The following QTMAN variants were observed in gnomAD, a reference collection of about 807,000 sequenced individuals.
The protein encoded by QTMAN is queuosine-tRNA mannosyltransferase.
chr2:144,076,885 G>C, the QTMAN span, among the ~76,000 whole-genome samples: 1 of 152,062 alleles, frequency 6.6e-6, no homozygotes, highest in Non-Finnish European at 1.5e-5. Context: ...TTGAGATGCT[G>C]AGGCAGGAGG....
the QTMAN span, among the ~76,000 whole-genome samples, chr2:144,130,298 C>T: frequency 6.6e-6 from 1 of 151,852 alleles, no homozygotes; most frequent in Admixed American, 6.6e-5. Context: ...AAACATACAA[C>T]AGAAGTGCAC....
the QTMAN span, chr2:143,947,226 T>G: frequency 7.7e-6 from 7 of 910,640 alleles, no homozygotes; most frequent in South Asian, 8.5e-5. Flanking sequence ...ATTGCAAATT[T>G]GCATCACTTA....
the QTMAN span, among the ~76,000 whole-genome samples, chr2:144,291,530 A>C: frequency 6.6e-6 from 1 of 152,196 alleles, no homozygotes. Flanking sequence ...CTGAAGCTAG[A>C]ATGTGACTTT....
the QTMAN span, among the ~76,000 whole-genome samples, chr2:143,983,797 T>C: frequency 1.3e-5 from 2 of 152,210 alleles, no homozygotes; most frequent in African/African-American, 4.8e-5. Context: ...TACCTTGAAT[T>C]ATACATACTG....
the QTMAN span, among the ~76,000 whole-genome samples, chr2:143,989,879 C>T: frequency 1.3e-5 from 2 of 152,196 alleles, no homozygotes; most frequent in African/African-American, 4.8e-5. Context: ...CCCATCTAGC[C>T]CCCTTCTCTC....
chr2:144,041,128 T>C, the QTMAN span, among the ~76,000 whole-genome samples: 1 of 152,178 alleles, frequency 6.6e-6, no homozygotes, highest in African/African-American at 2.4e-5. Flanking sequence ...CACAATCCTA[T>C]ATGCTAAATA....
chr2:144,265,679 G>C, the QTMAN span, among the ~76,000 whole-genome samples: 2 of 152,042 alleles, frequency 1.3e-5, no homozygotes, highest in Admixed American at 1.3e-4. Context: ...CTGGCAACAG[G>C]GCGAGACTCC....
At chr2:144,240,158 G>A in the QTMAN span, among the ~76,000 whole-genome samples, 1 of 152,188 alleles carries the variant, frequency 6.6e-6, no homozygotes. Context: ...TTTAATAAAA[G>A]TACATCAGTC....
At chr2:144,282,179 C>A in the QTMAN span, among the ~76,000 whole-genome samples, 1 of 152,106 alleles carries the variant, frequency 6.6e-6, no homozygotes, top group Non-Finnish European at 1.5e-5. Context: ...GCCCAGCATT[C>A]TCATTTTGTA....
At chr2:144,106,587 A>G in the QTMAN span, among the ~76,000 whole-genome samples, 1 of 152,226 alleles carries the variant, frequency 6.6e-6, no homozygotes, top group African/African-American at 2.4e-5. Context: ...CCAATACAGG[A>G]GCACCCAGAT....
At chr2:144,219,199 C>T in the QTMAN span, among the ~76,000 whole-genome samples, 11 of 152,076 alleles carry the variant, frequency 7.2e-5, no homozygotes, top group Non-Finnish European at 1.3e-4. Flanking sequence ...GGCACCATCT[C>T]GGCTCACTGC....
the QTMAN span, among the ~76,000 whole-genome samples, chr2:144,067,821 C>T: frequency 5.3e-5 from 8 of 152,134 alleles, no homozygotes; most frequent in African/African-American, 7.2e-5. Context: ...ACATGCCACA[C>T]GTTAGTATCT....
the QTMAN span, among the ~76,000 whole-genome samples, chr2:144,189,349 C>A: frequency 6.6e-6 from 1 of 152,134 alleles, no homozygotes; most frequent in Non-Finnish European, 1.5e-5. Flanking sequence ...AGGGCTATCC[C>A]CTAAGGCAGT....
chr2:144,332,950 G>T, the QTMAN span, among the ~76,000 whole-genome samples: 1 of 152,090 alleles, frequency 6.6e-6, no homozygotes, highest in Non-Finnish European at 1.5e-5. Flanking sequence ...TTTTCCAGCC[G>T]GCCCGTTGCA....
chr2:144,092,366 A>G, the QTMAN span, among the ~76,000 whole-genome samples: 15 of 152,004 alleles, frequency 9.9e-5, no homozygotes, highest in East Asian at 2.5e-3. Context: ...TAGTAGAGAC[A>G]GGGTTTCACT....
the QTMAN span, among the ~76,000 whole-genome samples, chr2:143,983,220 A>C: frequency 6.6e-6 from 1 of 152,146 alleles, no homozygotes; most frequent in Admixed American, 6.5e-5. Flanking sequence ...CACTTCAAGG[A>C]ACAGTTGAGG....
At chr2:144,133,494 T>TAA in the QTMAN span, among the ~76,000 whole-genome samples, 1 of 77,704 alleles carries the variant, frequency 1.3e-5, no homozygotes, top group Non-Finnish European at 2.3e-5. Flanking sequence ...AAAATATATA[T>TAA]TATATAATAT....
At chr2:143,973,545 C>T in the QTMAN span, among the ~76,000 whole-genome samples, 3 of 151,946 alleles carry the variant, frequency 2.0e-5, no homozygotes, top group Non-Finnish European at 2.9e-5. Flanking sequence ...AATCCCAGCA[C>T]TTTGGGAGGC....
the QTMAN span, among the ~76,000 whole-genome samples, chr2:144,294,062 G>T: frequency 6.6e-6 from 1 of 152,034 alleles, no homozygotes; most frequent in African/African-American, 2.4e-5. Context: ...AAACCCTCTG[G>T]AAATCTATTT....
Sources: allele counts gnomAD v4.1 joint callset (sites outside exome capture counted in the v4.1 genomes callset), GRCh38; gene constraint gnomAD v4.1.1; transcripts MANE v1.5; gene names NCBI Gene and HGNC (gene_info 2026-07-23, HGNC 2026-07-21).